ACSL1: variants seen among roughly 807,000 people sequenced by gnomAD.
ACSL1 encodes the protein acyl-CoA synthetase long chain family member 1, also known as long-chain-fatty-acid--CoA ligase 1.
Under a neutral mutation model 98.4 loss-of-function variants are expected in ACSL1, and 41 were observed. That is an observed-to-expected ratio of 0.42 (90% confidence interval 0.32 to 0.54). The LOEUF (loss-of-function observed/expected upper bound fraction) is 0.54, where lower values mean the gene tolerates loss of function less well. Ranked by LOEUF, ACSL1 falls within the 20% of genes least tolerant of loss-of-function variation. ACSL1 has a pLI of 0.13. For missense variants in ACSL1, 734 were observed against 883.1 expected, an observed-to-expected ratio of 0.83 and a Z score of 2.14; for synonymous variants, 316 against 322.7, an observed-to-expected ratio of 0.98 and a Z score of 0.22.
chr4:184,806,588 C>T (rs1313163757), intron 1 of ACSL1, among the ~76,000 whole-genome samples: 1 of 152,074 alleles, frequency 6.6e-6, no homozygotes, highest in African/African-American at 2.4e-5. Flanking sequence ...TACAGTCAGA[C>T]ACAGGGGATT....
Position 184,785,600 on chromosome 4 carries a change from CGG to C in ACSL1, c.311-1611_311-1610del, listed in dbSNP as rs1174393165. ...CTTAGAATAAAAAGATCCTCCTGGG[CGG>C]GGGCGGGGGGGGGGGGGGGAAGGAA... is the stretch of plus-strand genomic sequence containing the variant. On this transcript the variant is annotated intron_variant, in intron 3 of 20. Coordinates refer to ENST00000281455, the MANE Select transcript of ACSL1 (RefSeq NM_001995.5). Among the ~76,000 whole-genome samples, 7 of 19,188 alleles carry C rather than the reference CGG, an allele frequency of 3.6e-4. 1 individual carries two copies. The highest frequency in any genetic ancestry group is 0.017 in the East Asian group (2 of 120). 12.6% of individuals were successfully genotyped at this position (19,188 alleles called of 152,430 possible).
At position 184,765,930 on chromosome 4, in the gene ACSL1, G is replaced by A. The variant is rs1289191981; in HGVS notation, c.1320C>T (p.Ala440=). 1 of 1,614,040 alleles carries A rather than the reference G, an allele frequency of 6.2e-7. No homozygotes were observed. The highest frequency in any genetic ancestry group is 1.7e-5 in the Admixed American group (1 of 60,016). The change falls in exon 14 of 21, where the codon GCC becomes GCT. Residue 440 remains alanine (A), a synonymous_variant. Coordinates refer to ENST00000281455, the MANE Select transcript of ACSL1 (RefSeq NM_001995.5). ...CTGCTCTGAGGAACGTCAGCACAGT[G>A]GCAGACACCGGGGCGGCTCCTGTCA... The part of the protein sequence containing the change: ...LMVTGAAPVS[A]TVLTFLRAAL...
chr4:184,801,595 A>G (rs1213410204), intron 2 of ACSL1, among the ~76,000 whole-genome samples: 4 of 152,238 alleles, frequency 2.6e-5, no homozygotes, highest in African/African-American at 9.6e-5. Flanking sequence ...CCAGAATTCC[A>G]GAGCTACTTT....
intron 1 of ACSL1, among the ~76,000 whole-genome samples, chr4:184,810,930 A>G (rs1771999594): frequency 6.6e-6 from 1 of 152,146 alleles, no homozygotes; most frequent in African/African-American, 2.4e-5. Context: ...AGGAAACTGT[A>G]CAGGAGTCAA....
At chr4:184,779,383 G>A (rs1765848371) in intron 5 of ACSL1, among the ~76,000 whole-genome samples, 1 of 152,012 alleles carries the variant, frequency 6.6e-6, no homozygotes, top group South Asian at 2.1e-4. Context: ...TGATTCTGAG[G>A]CCCCCCCAGC....
chr4:184,772,567 G>A (rs1764668869), intron 10 of ACSL1, among the ~76,000 whole-genome samples: 1 of 152,170 alleles, frequency 6.6e-6, no homozygotes, highest in Non-Finnish European at 1.5e-5. Flanking sequence ...GCCCTGCTGT[G>A]ACTGGATAGA....
intron 1 of ACSL1, among the ~76,000 whole-genome samples, chr4:184,819,062 C>T (rs369591240): frequency 5.9e-5 from 9 of 151,790 alleles, no homozygotes; most frequent in Non-Finnish European, 1.2e-4. Flanking sequence ...GGAAAAGTGC[C>T]TCTGAGGAGC....
intron 5 of ACSL1, among the ~76,000 whole-genome samples, chr4:184,777,797 CAG>C (rs1765545166): frequency 6.8e-6 from 1 of 147,884 alleles, no homozygotes; most frequent in Admixed American, 6.8e-5. Flanking sequence ...GAGAGAGAGA[CAG>C]AGACAGAGGG....
upstream of ACSL1, chr4:184,826,195 G>T (rs1773484427): frequency 6.7e-6 from 1 of 149,894 alleles, no homozygotes; most frequent in South Asian, 2.1e-4. Context: ...GTGGCTGGCG[G>T]GTGGCCGGCG....
intron 2 of ACSL1, among the ~76,000 whole-genome samples, chr4:184,793,032 T>A (rs1768671058): frequency 6.6e-6 from 1 of 152,056 alleles, no homozygotes; most frequent in Admixed American, 6.5e-5. Context: ...CAGCAGGCAG[T>A]GTGTGTGGGT....
In ACSL1 at chr4:184,803,660, A is replaced by G. The variant is rs1207418555; in HGVS notation, c.-32-114T>C. 3 of 561,460 alleles carry G rather than the reference A, an allele frequency of 5.3e-6. No individual in the cohort carries two copies. The allele number at this position is 561,460 out of a possible 1,614,324, so 34.8% of individuals were successfully genotyped here. A position where few individuals can be genotyped will look rare whatever the true frequency, so the allele number is the denominator to read the frequency against. On this transcript the variant is annotated intron_variant, in intron 1 of 20. Coordinates refer to ENST00000281455, the MANE Select transcript of ACSL1 (RefSeq NM_001995.5). This position sits in a 1 kb window ranked among gnomAD's most constrained non-coding sequence, Gnocchi z 4.8. Reference sequence around the variant, plus strand: ...GGGTAGCTGCTCGGCCAGTCCAGGCATTAAACCCACAATCTAATGATCCGG... The same window carrying G: ...GGGTAGCTGCTCGGCCAGTCCAGGCGTTAAACCCACAATCTAATGATCCGG...
chr4:184,814,357 A>G (rs1772429391), intron 1 of ACSL1, among the ~76,000 whole-genome samples: 1 of 151,836 alleles, frequency 6.6e-6, no homozygotes, highest in East Asian at 1.9e-4. Context: ...TCCATCATGA[A>G]CATCATGGTA....
chr4:184,815,964 T>C (rs945011678), intron 1 of ACSL1, among the ~76,000 whole-genome samples: 8 of 151,726 alleles, frequency 5.3e-5, no homozygotes, highest in African/African-American at 2.4e-5. Context: ...CTACTAAAAA[T>C]ACAAAAATTA....
chr4:184,772,664 C>T (rs1363120759), intron 10 of ACSL1, among the ~76,000 whole-genome samples: 3 of 152,226 alleles, frequency 2.0e-5, no homozygotes, highest in Non-Finnish European at 4.4e-5. Flanking sequence ...GGAAGTCACA[C>T]TGACCACAAC....
chr4:184,798,069 T>C (rs1031318631), intron 2 of ACSL1, among the ~76,000 whole-genome samples: 1 of 152,172 alleles, frequency 6.6e-6, no homozygotes, highest in Admixed American at 6.5e-5. Flanking sequence ...CAAGAGATCG[T>C]TTGGTGTGGA....
chr4:184,821,374 T>C (rs1020160585), intron 1 of ACSL1: 4 of 265,980 alleles, frequency 1.5e-5, no homozygotes, highest in African/African-American at 6.8e-5. Flanking sequence ...CCCATTTCTA[T>C]AGCAGCCAAA....
intron 2 of ACSL1, chr4:184,798,453 C>T (rs116577687): frequency 0.018 from 2,883 of 156,930 alleles, 31 homozygotes; most frequent in Non-Finnish European, 0.022. Context: ...GCCCATACCA[C>T]GGCTCTCATA....
intron 12 of ACSL1, among the ~76,000 whole-genome samples, chr4:184,767,386 A>G (rs1223763389): frequency 1.3e-5 from 2 of 152,170 alleles, no homozygotes; most frequent in Non-Finnish European, 2.9e-5. Flanking sequence ...TACGTGCTAC[A>G]TGGATGCTTG....
rs553239221 is a variant in ACSL1, at chr4:184,825,487, C to T, written c.-33+429G>A. Reference sequence around the variant, plus strand: ...ACGCGCGGTCCGAACGCCCGCGAGCCCGGCCTCTGGGCAGGCGGGGGCCGC... The same window carrying T: ...ACGCGCGGTCCGAACGCCCGCGAGCTCGGCCTCTGGGCAGGCGGGGGCCGC... On this transcript the variant is annotated intron_variant, in intron 1 of 20. Transcript: ENST00000281455. The surrounding 1 kb of genome is among the most constrained non-coding windows in gnomAD (Gnocchi z 4.7). Among the ~76,000 whole-genome samples, 107 of 152,078 alleles carry T rather than the reference C, an allele frequency of 7.0e-4. No homozygotes were observed. The highest frequency in any genetic ancestry group is 2.5e-3 in the African/African-American group (102 of 41,550).
Sources: gnomAD v4.1 joint callset for allele counts (sites outside exome capture counted in the v4.1 genomes callset) on GRCh38, gnomAD v4.1.1 for gene constraint, Gnocchi (gnomAD v3.1) non-coding constraint, MANE v1.5 for transcripts, NCBI Gene and HGNC (gene_info 2026-07-23, HGNC 2026-07-21) for gene names.